Variants in HEATR6 observed in about 807,000 individuals in gnomAD.
HEATR6 encodes HEAT repeat containing 6, also known as HEAT repeat-containing protein 6.
HEATR6 carries 106 observed loss-of-function variants against 132.8 expected under a neutral mutation model. The ratio of observed to expected loss-of-function variants is 0.80; its 90% CI spans 0.68 to 0.94. The LOEUF is 0.94. Among genes scored for constraint, HEATR6 ranks in the 40% least tolerant of loss-of-function variants. The pLI is 0.00. For synonymous variants in HEATR6, 529 were observed against 537.8 expected, an observed-to-expected ratio of 0.98 and a Z score of 0.23; for missense variants, 1,339 against 1,425.1, an observed-to-expected ratio of 0.94 and a Z score of 0.97.
rs1027465114 is a variant in HEATR6 at position 60,041,755 on chromosome 17, T to G, written c.*1808A>C. Among the ~76,000 whole-genome samples, 1 of 152,084 alleles carries G rather than the reference T, an allele frequency of 6.6e-6. No homozygotes were observed. The highest frequency in any genetic ancestry group is 2.1e-4 in the South Asian group (1 of 4,810). ...GAGAGCAGTTTCTGAGCAGCCAACA[T>G]GTCAGAGGCAGGAAAACAGCAGCTA... On this transcript the variant is annotated 3_prime_UTR_variant, in exon 20 of 20. Transcript: ENST00000184956.
Position 60,043,250 on chromosome 17 carries a change from G to A in HEATR6, c.*313C>T, listed in dbSNP as rs180835915. 21 of 309,764 alleles carry A rather than the reference G, an allele frequency of 6.8e-5. 1 individual carries two copies. The highest frequency in any genetic ancestry group is 3.4e-4 in the South Asian group (7 of 20,340). The allele number at this position is 309,764 out of a possible 1,614,324, so 19.2% of individuals were successfully genotyped here. A position where few individuals can be genotyped will look rare whatever the true frequency, so the allele number is the denominator to read the frequency against. On this transcript the variant is annotated 3_prime_UTR_variant, in exon 20 of 20. Coordinates refer to ENST00000184956, the MANE Select transcript of HEATR6 (RefSeq NM_022070.5). The stretch of plus-strand genomic sequence containing the variant: ...ATACAATACACAAAATTCTAATTCC[G>A]AAATCCTTCTACATTTTTTTTTTCT...
At chr17:60,045,124 T>C (rs1308849323) in intron 19 of HEATR6, among the ~76,000 whole-genome samples, 1 of 152,092 alleles carries the variant, frequency 6.6e-6, no homozygotes, top group Non-Finnish European at 1.5e-5. Context: ...GGTGCCCTGG[T>C]TTCAAGGACT....
At chr17:60,071,066 T>C (rs558081228) in intron 5 of HEATR6, among the ~76,000 whole-genome samples, 9 of 152,292 alleles carry the variant, frequency 5.9e-5, no homozygotes, top group African/African-American at 2.2e-4. Flanking sequence ...TATGTACAAA[T>C]GGTGAGCAAG....
chr17:60,041,418 C>T lies in HEATR6; in HGVS notation c.*2145G>A, dbSNP rs961797320. Among the ~76,000 whole-genome samples the T allele has an allele frequency of 6.6e-5, 10 of 152,122 alleles. No homozygotes were observed. Among genetic ancestry groups the T allele is most frequent in the Admixed American group, 6.5e-4 (10 of 15,268 alleles). On this transcript the variant is annotated 3_prime_UTR_variant, in exon 20 of 20. Transcript: ENST00000184956. ...TCACCTGAGAAAACTCAAAGAATCA[C>T]AGTAATAAGCTGTCTATGCCATATT...
intron 9 of HEATR6, chr17:60,064,757 A>C (rs1257084082): frequency 6.6e-6 from 1 of 152,248 alleles, no homozygotes; most frequent in Non-Finnish European, 1.5e-5. Context: ...GGATAAGACC[A>C]CTTTGCAATA....
chr17:60,043,416 C>A lies in HEATR6; in HGVS notation c.*147G>T. On this transcript the variant is annotated 3_prime_UTR_variant, in exon 20 of 20. Transcript: ENST00000184956. ...GTCACTCCAAAGGTGGTTGAGCCCT[C>A]TGTGAAAATTTAAATGGCTGCTAAG... 1.4e-6 allele frequency: 1 copy of A among 716,150 alleles called. No homozygotes were observed. Among genetic ancestry groups the A allele is most frequent in the Non-Finnish European group, 2.3e-6 (1 of 431,432 alleles). The allele number at this position is 716,150 out of a possible 1,614,324, so 44.4% of individuals were successfully genotyped here. A position where few individuals can be genotyped will look rare whatever the true frequency, so the allele number is the denominator to read the frequency against.
intron 9 of HEATR6, chr17:60,063,631 G>C (rs1333123822): frequency 1.3e-5 from 2 of 159,666 alleles, no homozygotes; most frequent in East Asian, 3.5e-4. Context: ...AGTAGCCTCT[G>C]TTTATTGTTG....
In HEATR6 at chr17:60,072,328, C is replaced by T; in HGVS notation, c.586G>A (p.Val196Met). ...TCCTCCAAATACGGCTGTCCTGGCACACTAAACGCATACAGAGAAAACAAC... is the reference window on the plus strand; with the variant it reads ...TCCTCCAAATACGGCTGTCCTGGCATACTAAACGCATACAGAGAAAACAAC... ...VHCMANLCLS[V>M]PGQPYLEEPY... Residue 196 changes from valine to methionine, a missense_variant and splice_region_variant, in exon 5 of 20, where the codon GTG (valine) becomes ATG (methionine). Coordinates refer to ENST00000184956, the MANE Select transcript of HEATR6 (RefSeq NM_022070.5). 2 of 1,568,292 alleles carry T rather than the reference C, an allele frequency of 1.3e-6. No homozygotes were observed. The highest frequency in any genetic ancestry group is 1.7e-6 in the Non-Finnish European group (2 of 1,142,884).
chr17:60,059,745 G>A, intron 10 of HEATR6, 145 bp downstream of exon 10: 2 of 700,528 alleles, frequency 2.9e-6, no homozygotes, highest in South Asian at 1.8e-5. Flanking sequence ...GATCAGACGA[G>A]TAGGTACAGA....
In HEATR6 at chr17:60,057,461, A is replaced by G. The variant is rs1237260902; in HGVS notation, c.1724-58T>C. On this transcript the variant is annotated intron_variant, in intron 11 of 19. Transcript: ENST00000184956. ...TGGCAACAACTACTGTAAAGATGGT[A>G]GTTATCCCAGCAGGCAATTAAAAAT... 7 of 1,144,234 alleles carry G rather than the reference A, an allele frequency of 6.1e-6. No individual in the cohort carries two copies. In the East Asian group the frequency reaches 1.4e-4, roughly 23 times the overall value. 70.9% of individuals were successfully genotyped at this position (1,144,234 alleles called of 1,614,324 possible).
chr17:60,069,902 A>C (rs938712230), intron 6 of HEATR6, 54 bp from the exon 7 acceptor site: 14 of 1,593,938 alleles, frequency 8.8e-6, no homozygotes, highest in Non-Finnish European at 1.2e-5. Context: ...AAAAACCATT[A>C]ATCATAAACC....
intron 9 of HEATR6, chr17:60,064,809 T>C (rs563937998): frequency 1.3e-5 from 2 of 152,354 alleles, no homozygotes; most frequent in Admixed American, 1.3e-4. Context: ...TGTAAACATT[T>C]AAAAATATAT....
chr17:60,054,846 G>A (rs940383375), intron 14 of HEATR6, among the ~76,000 whole-genome samples: 6 of 152,214 alleles, frequency 3.9e-5, no homozygotes, highest in Non-Finnish European at 7.3e-5. Context: ...GGAGGTGACT[G>A]TATTTTACAG....
intron 19 of HEATR6, among the ~76,000 whole-genome samples, chr17:60,045,651 A>G (rs2145178091): frequency 6.6e-6 from 1 of 152,354 alleles, no homozygotes; most frequent in South Asian, 2.1e-4. Context: ...GAAAACAGAA[A>G]AAATCCTACC....
Position 60,067,610 on chromosome 17 carries a change from A to T in HEATR6, c.1062T>A (p.His354Gln). 6.2e-7 allele frequency: 1 copy of T among 1,612,716 alleles called. No homozygotes were observed. The change falls in exon 8 of 20, where the codon CAT (histidine) becomes CAA (glutamine). Residue 354 changes from histidine to glutamine, a missense_variant. His to Gln is a conservative substitution (Grantham distance 24). Coordinates refer to ENST00000184956, the MANE Select transcript of HEATR6 (RefSeq NM_022070.5). ...PVTGTGRVNL[H>Q]EGNTWCPSSL... is the part of the protein sequence containing the mutation. ...AGGAGGGACACCAAGTGTTCCCTTC[A>T]TGCAGGTTCACTCTGCCTGTGCCAG...
rs558403592 is a variant in HEATR6, at chr17:60,043,593, T to C, written c.3516A>G (p.Gln1172=). The C allele has an allele frequency of 2.0e-4, 315 of 1,613,608 alleles. 4 individuals carry two copies. The South Asian group carries it at 3.3e-3, about 17-fold the overall frequency. Residue 1172 remains glutamine, a synonymous_variant, in exon 20 of 20, where the codon CAA becomes CAG. Coordinates refer to ENST00000184956, the MANE Select transcript of HEATR6 (RefSeq NM_022070.5). ...LAVCFDSSGS[Q]GALPGLTNQ ...GATTTGTTAACCCTGGGAGTGCCCC[T>C]TGTGATCCAGATGAGTCAAAACAAA...
chr17:60,073,614 A>C, intron 3 of HEATR6, 132 bp downstream of exon 3: 1 of 820,638 alleles, frequency 1.2e-6, no homozygotes, highest in Non-Finnish European at 1.9e-6. Flanking sequence ...TTTATACATG[A>C]GGAAACAAGG....
Position 60,066,279 on chromosome 17 carries a change from T to C in HEATR6, c.1346A>G (p.Asp449Gly), listed in dbSNP as rs886487971. Residue 449 changes from aspartate (D) to glycine (G), a missense_variant, in exon 9 of 20, where the codon GAT becomes GGT. Physicochemically the swap from Asp to Gly is moderately conservative, Grantham distance 94. Transcript: ENST00000184956. Reference protein sequence around the residue: ...LYGYWSAFIPDTPELGSPQSV... With the variant: ...LYGYWSAFIPGTPELGSPQSV... ...CTGTGGGCTGCCAAGTTCAGGCGTA[T>C]CAGGAATAAAAGCTGACCAGTAGCC... The C allele has an allele frequency of 6.2e-7, 1 of 1,613,958 alleles. No individual in the cohort carries two copies. The highest frequency in any genetic ancestry group is 1.3e-5 in the African/African-American group (1 of 74,910).
At chr17:60,069,083 CA>C (rs1327988682) in intron 7 of HEATR6, among the ~76,000 whole-genome samples, 1 of 152,192 alleles carries the variant, frequency 6.6e-6, no homozygotes, top group African/African-American at 2.4e-5. Flanking sequence ...AATCCTTGGC[CA>C]TACATCTGTA....
Sources: allele counts gnomAD v4.1 joint callset (sites outside exome capture counted in the v4.1 genomes callset), GRCh38; gene constraint gnomAD v4.1.1; transcripts MANE v1.5; gene names NCBI Gene and HGNC (gene_info 2026-07-23, HGNC 2026-07-21).